The following ZNF704 variants were observed in gnomAD, a reference collection of about 807,000 sequenced individuals.
ZNF704 encodes the protein glucocorticoid induced gene 1.
Under a neutral mutation model 44.7 loss-of-function variants are expected in ZNF704, and 10 were observed. The ratio of observed to expected loss-of-function variants is 0.22; its 90% CI spans 0.14 to 0.38. The LOEUF is 0.38. Ranked by LOEUF, ZNF704 falls within the 10% of genes least tolerant of loss-of-function variation. ZNF704 has a pLI of 1.00. For synonymous variants in ZNF704, 211 were observed against 207.6 expected (o/e 1.02, Z -0.14); for missense variants, 390 against 545.5 (o/e 0.71, Z 2.84).
rs150982794 is a variant in ZNF704 at position 80,693,188 on chromosome 8, A to C, written c.222-81T>G. 5.5e-5 allele frequency: 63 copies of C among 1,150,288 alleles called. No homozygotes were observed. In the African/African-American group the frequency reaches 7.3e-4, roughly 13 times the overall value. 71.3% of individuals were successfully genotyped at this position (1,150,288 alleles called of 1,614,324 possible). ...CACAAGGTGTGACACGCTGTCACGC[A>C]TTTACTCCATTAACTTATCCCCATG... On this transcript the variant is annotated intron_variant, in intron 2 of 8. Coordinates refer to ENST00000327835, the MANE Select transcript of ZNF704 (RefSeq NM_001033723.3).
rs1010417004 is a variant in ZNF704 at position 80,874,262 on chromosome 8, G to A, written c.-22+309C>T. ...GGGACGCCGGCGGCCGGCGGCTACG[G>A]CGGGGCGGCGCGGCGGCCGCGGGCG... On this transcript the variant is annotated intron_variant, in intron 1 of 8. Coordinates refer to ENST00000327835, the MANE Select transcript of ZNF704 (RefSeq NM_001033723.3). The surrounding 1 kb of genome is among the most constrained non-coding windows in gnomAD (Gnocchi z 4.4). Among the ~76,000 whole-genome samples the A allele has an allele frequency of 2.0e-4, 29 of 144,924 alleles. No homozygotes were observed. Among genetic ancestry groups the A allele is most frequent in the Admixed American group, 1.8e-3 (26 of 14,674 alleles).
At chr8:80,749,610 G>T (rs1806907125) in intron 2 of ZNF704, 2 of 153,234 alleles carry the variant, frequency 1.3e-5, no homozygotes, top group Admixed American at 1.3e-4. Flanking sequence ...CAAAAATTAC[G>T]CTTCCAAAAT....
Position 80,633,809 on chromosome 8 carries a change from TAG to T in ZNF704, c.*7555_*7556del, listed in dbSNP as rs1443946428. 3 of 152,214 alleles carry T rather than the reference TAG, an allele frequency of 2.0e-5. No individual in the cohort carries two copies. The highest frequency in any genetic ancestry group is 7.2e-5 in the African/African-American group (3 of 41,460). 9.4% of individuals were successfully genotyped at this position (152,214 alleles called of 1,614,324 possible). A position where few individuals can be genotyped will look rare whatever the true frequency, so the allele number is the denominator to read the frequency against. On this transcript the variant is annotated 3_prime_UTR_variant, in exon 9 of 9. Coordinates refer to ENST00000327835, the MANE Select transcript of ZNF704 (RefSeq NM_001033723.3). ...ACACCATCAGGACTCTGATGTAAGA[TAG>T]AGTTTAAAATAACTTAGTCCATCTA...
In ZNF704 at chr8:80,659,698, T is replaced by C. The variant is rs767149741; in HGVS notation, c.928-9A>G. ...GTCACAGGGGGTGTGGCCTGTCAAA[T>C]AAAAAACAGAGAAAGCTGTTATGAA... On this transcript the variant is annotated splice_polypyrimidine_tract_variant and intron_variant, in intron 6 of 8. Coordinates refer to ENST00000327835, the MANE Select transcript of ZNF704 (RefSeq NM_001033723.3). The C allele has an allele frequency of 8.7e-6, 14 of 1,610,656 alleles. No homozygotes were observed. The South Asian group carries it at 1.5e-4, about 18-fold the overall frequency.
rs73692144 is a variant in ZNF704 at position 80,794,338 on chromosome 8, A to C, written c.221+27036T>G. Among the ~76,000 whole-genome samples the C allele has an allele frequency of 1.5e-3, 228 of 152,320 alleles. 2 individuals carry two copies. Among genetic ancestry groups the C allele is most frequent in the African/African-American group, 5.3e-3 (221 of 41,576 alleles). On this transcript the variant is annotated intron_variant, in intron 2 of 8. Coordinates refer to ENST00000327835, the MANE Select transcript of ZNF704 (RefSeq NM_001033723.3). Reference sequence around the variant, plus strand: ...GGCTTTATAGAGACACTCATATAGTAATCATTCACAGTTTGATTTTAATAT... The same window carrying C: ...GGCTTTATAGAGACACTCATATAGTCATCATTCACAGTTTGATTTTAATAT...
chr8:80,691,982 G>A (rs1452745664), intron 3 of ZNF704, among the ~76,000 whole-genome samples: 2 of 151,922 alleles, frequency 1.3e-5, no homozygotes, highest in African/African-American at 4.8e-5. Flanking sequence ...CACATTTCTC[G>A]ATTATGTCGT....
chr8:80,753,927 A>T (rs942426765), intron 2 of ZNF704, among the ~76,000 whole-genome samples: 2 of 152,154 alleles, frequency 1.3e-5, no homozygotes, highest in Non-Finnish European at 2.9e-5. Flanking sequence ...CTACATGAAC[A>T]TCTAGCGTCT....
At chr8:80,798,792 G>A (rs1287732246) in intron 2 of ZNF704, among the ~76,000 whole-genome samples, 2 of 152,138 alleles carry the variant, frequency 1.3e-5, no homozygotes, top group African/African-American at 4.8e-5. Flanking sequence ...TTCTGTCTTA[G>A]ACCATTTTCT....
At chr8:80,659,417 C>T (rs760550222) in intron 7 of ZNF704, among the ~76,000 whole-genome samples, 168 bp downstream of exon 7, 2 of 152,144 alleles carry the variant, frequency 1.3e-5, no homozygotes, top group Admixed American at 6.5e-5. Context: ...AACACCTTTT[C>T]GAAAAGAAGT....
intron 2 of ZNF704, among the ~76,000 whole-genome samples, chr8:80,700,034 C>T (rs983834699): frequency 6.6e-6 from 1 of 152,208 alleles, no homozygotes; most frequent in African/African-American, 2.4e-5. Flanking sequence ...CATCTCCCTT[C>T]ACCCACATGC....
intron 1 of ZNF704, among the ~76,000 whole-genome samples, chr8:80,829,361 A>G (rs1357654826): frequency 1.3e-5 from 2 of 152,196 alleles, no homozygotes; most frequent in African/African-American, 4.8e-5. Flanking sequence ...CCTATGTTAC[A>G]ACAAGAAAAC....
chr8:80,874,471 A>C lies in ZNF704; in HGVS notation c.-22+100T>G, dbSNP rs1271181950. On this transcript the variant is annotated intron_variant, in intron 1 of 8. Coordinates refer to ENST00000327835, the MANE Select transcript of ZNF704 (RefSeq NM_001033723.3). This position sits in a 1 kb window ranked among gnomAD's most constrained non-coding sequence, Gnocchi z 4.4. ...CCTCGGCGCGAGCTGTTTGTGTTGT[A>C]TGTTTTCCACCACCGCCCCCCTCTT... 4.6e-5 allele frequency: 7 copies of C among 150,960 alleles called. No homozygotes were observed. Among genetic ancestry groups the C allele is most frequent in the Non-Finnish European group, 3.0e-5 (2 of 67,738 alleles). The allele number at this position is 150,960 out of a possible 1,614,324, so 9.4% of individuals were successfully genotyped here.
At chr8:80,706,018 C>G (rs950050324) in intron 2 of ZNF704, among the ~76,000 whole-genome samples, 13 of 152,150 alleles carry the variant, frequency 8.5e-5, no homozygotes, top group African/African-American at 2.9e-4. Context: ...ATGGCCCAGG[C>G]TAATGGGGTT....
intron 2 of ZNF704, among the ~76,000 whole-genome samples, chr8:80,737,225 C>T (rs897581390): frequency 2.0e-5 from 3 of 152,204 alleles, no homozygotes; most frequent in Non-Finnish European, 2.9e-5. Flanking sequence ...TTTCTGTGGT[C>T]AGGAATTTGG....
chr8:80,821,396 T>C lies in ZNF704; in HGVS notation c.199A>G (p.Asn67Asp), dbSNP rs1378951771. 6.2e-7 allele frequency: 1 copy of C among 1,613,572 alleles called. No individual in the cohort carries two copies. The highest frequency in any genetic ancestry group is 2.2e-5 in the East Asian group (1 of 44,896). ...LEQKRKVVSS[N>D]IDVPPARKSS... ...TACCTTGCTGGAGGAACATCAATGTTGGAGGAAACAACTTTTCTTTTTTGC... is the reference window on the plus strand; with the variant it reads ...TACCTTGCTGGAGGAACATCAATGTCGGAGGAAACAACTTTTCTTTTTTGC... The change falls in exon 2 of 9, where the codon AAC becomes GAC. Residue 67 changes from asparagine (N) to aspartate (D), a missense_variant. By Grantham distance (23) the Asn-to-Asp change is conservative. Transcript: ENST00000327835.
intron 1 of ZNF704, among the ~76,000 whole-genome samples, chr8:80,866,409 T>C (rs1485508851): frequency 2.0e-5 from 3 of 152,136 alleles, no homozygotes; most frequent in Non-Finnish European, 4.4e-5. Flanking sequence ...AAATATCTCC[T>C]AACAGAGGGA....
At chr8:80,652,587 C>A (rs897868621) in intron 7 of ZNF704, among the ~76,000 whole-genome samples, 1 of 152,010 alleles carries the variant, frequency 6.6e-6, no homozygotes, top group East Asian at 1.9e-4. Context: ...ATAAATTCCT[C>A]GACACACACA....
At chr8:80,666,371 A>C (rs1818194851) in intron 5 of ZNF704, among the ~76,000 whole-genome samples, 1 of 151,926 alleles carries the variant, frequency 6.6e-6, no homozygotes, top group Admixed American at 6.6e-5. Context: ...TCATTGTTGG[A>C]CATTTGGGTT....
At position 80,632,063 on chromosome 8, in the gene ZNF704, T is replaced by A. The variant is rs1817595868; in HGVS notation, c.*9303A>T. On this transcript the variant is annotated 3_prime_UTR_variant, in exon 9 of 9. Coordinates refer to ENST00000327835, the MANE Select transcript of ZNF704 (RefSeq NM_001033723.3). ...GGGAAAGCAAGACTGGTAGCTAGAA[T>A]GGGGACTGTTCTCTTTTAAAGCTGT... 2 of 152,222 alleles carry A rather than the reference T, an allele frequency of 1.3e-5. No homozygotes were observed. The allele number at this position is 152,222 out of a possible 1,614,324, so 9.4% of individuals were successfully genotyped here.
Sources: gnomAD v4.1 joint callset for allele counts (sites outside exome capture counted in the v4.1 genomes callset) on GRCh38, gnomAD v4.1.1 for gene constraint, Gnocchi (gnomAD v3.1) non-coding constraint, MANE v1.5 for transcripts, NCBI Gene and HGNC (gene_info 2026-07-23, HGNC 2026-07-21) for gene names.